AKAP19: variants seen among roughly 807,000 people sequenced by gnomAD.
AKAP19 encodes the protein small A-kinase anchoring protein.
At chr2:189,946,422 C>A in the AKAP19 span, among the ~76,000 whole-genome samples, 1 of 152,104 alleles carries the variant, frequency 6.6e-6, no homozygotes, top group Non-Finnish European at 1.5e-5. Context: ...TGAGCCTGAG[C>A]AACATAGGCC....
At chr2:189,995,047 T>G in the AKAP19 span, among the ~76,000 whole-genome samples, 1 of 152,264 alleles carries the variant, frequency 6.6e-6, no homozygotes, top group Admixed American at 6.5e-5. Context: ...GCCTATCATA[T>G]GGTCTGTCTT....
chr2:190,173,615 A>T, the AKAP19 span, among the ~76,000 whole-genome samples: 1 of 152,232 alleles, frequency 6.6e-6, no homozygotes, highest in Non-Finnish European at 1.5e-5. Context: ...TCCCAGATAG[A>T]TCATCTGACT....
At chr2:189,933,007 T>C in the AKAP19 span, among the ~76,000 whole-genome samples, 6 of 152,208 alleles carry the variant, frequency 3.9e-5, no homozygotes, top group African/African-American at 1.2e-4. Flanking sequence ...ATCCTATGTC[T>C]CATGCCCATC....
At chr2:189,887,588 A>G in the AKAP19 span, among the ~76,000 whole-genome samples, 1 of 152,232 alleles carries the variant, frequency 6.6e-6, no homozygotes, top group Admixed American at 6.5e-5. Flanking sequence ...TCCTGCCAAC[A>G]GCATAAAAGC....
the AKAP19 span, among the ~76,000 whole-genome samples, chr2:190,004,288 A>C: frequency 6.6e-6 from 1 of 151,626 alleles, no homozygotes; most frequent in Non-Finnish European, 1.5e-5. Flanking sequence ...ATAAAAAAAA[A>C]CATTCTCAGT....
chr2:190,068,991 A>G, the AKAP19 span, among the ~76,000 whole-genome samples: 1 of 152,148 alleles, frequency 6.6e-6, no homozygotes, highest in African/African-American at 2.4e-5. Context: ...GGACCATACT[A>G]GGGAGTTGCC....
At chr2:190,031,136 A>C in the AKAP19 span, among the ~76,000 whole-genome samples, 1 of 152,194 alleles carries the variant, frequency 6.6e-6, no homozygotes, top group Non-Finnish European at 1.5e-5. Context: ...GAGGATGGGT[A>C]CTTTAGGCAG....
chr2:189,946,169 C>T, the AKAP19 span, among the ~76,000 whole-genome samples: 1 of 152,168 alleles, frequency 6.6e-6, no homozygotes, highest in Non-Finnish European at 1.5e-5. Flanking sequence ...GTGGTCTTAA[C>T]TTCAGAATCC....
the AKAP19 span, among the ~76,000 whole-genome samples, chr2:190,153,108 G>T: frequency 6.6e-6 from 1 of 152,094 alleles, no homozygotes; most frequent in African/African-American, 2.4e-5. Context: ...TGTTAGCTAG[G>T]ATGGTCTCGA....
chr2:190,018,718 G>A, the AKAP19 span, among the ~76,000 whole-genome samples: 4 of 152,020 alleles, frequency 2.6e-5, no homozygotes, highest in African/African-American at 4.8e-5. Flanking sequence ...TGATCTTTGT[G>A]TCATTGTGTT....
At chr2:190,062,279 C>G in the AKAP19 span, 39 of 1,613,058 alleles carry the variant, frequency 2.4e-5, 1 homozygote, top group South Asian at 4.3e-4. Context: ...CGTCATCTTC[C>G]AAAGAGCCAT....
At chr2:189,931,982 CT>C in the AKAP19 span, among the ~76,000 whole-genome samples, 1 of 152,138 alleles carries the variant, frequency 6.6e-6, no homozygotes, top group African/African-American at 2.4e-5. Flanking sequence ...AACTAATGTC[CT>C]TCAAAGCAAA....
the AKAP19 span, among the ~76,000 whole-genome samples, chr2:190,023,203 ATG>A: frequency 6.6e-6 from 1 of 152,286 alleles, no homozygotes; most frequent in East Asian, 1.9e-4. Flanking sequence ...CTGCAAAATT[ATG>A]TGTTTTTATA....
the AKAP19 span, among the ~76,000 whole-genome samples, chr2:190,162,104 C>T: frequency 6.6e-6 from 1 of 152,096 alleles, no homozygotes; most frequent in Non-Finnish European, 1.5e-5. Context: ...ATTATGTGAG[C>T]AAACGTGTTT....
chr2:189,998,497 A>G, the AKAP19 span, among the ~76,000 whole-genome samples: 1 of 152,176 alleles, frequency 6.6e-6, no homozygotes, highest in Admixed American at 6.5e-5. Flanking sequence ...GGTAATTTGT[A>G]TGTGTGCAGG....
At chr2:189,924,485 T>C in the AKAP19 span, among the ~76,000 whole-genome samples, 1 of 152,240 alleles carries the variant, frequency 6.6e-6, no homozygotes, top group South Asian at 2.1e-4. Context: ...GACTTAACAA[T>C]AAAAATGATG....
the AKAP19 span, among the ~76,000 whole-genome samples, chr2:190,038,270 C>A: frequency 5.9e-5 from 9 of 152,130 alleles, no homozygotes; most frequent in Non-Finnish European, 7.4e-5. Context: ...ACCTTGTCAT[C>A]CACATCTAAA....
At chr2:190,199,887 T>G in the AKAP19 span, 9 of 1,613,830 alleles carry the variant, frequency 5.6e-6, no homozygotes, top group South Asian at 1.1e-5. Context: ...CAAAGCAAAC[T>G]TTCCCATTTC....
chr2:190,163,458 A>C, the AKAP19 span, among the ~76,000 whole-genome samples: 29 of 150,360 alleles, frequency 1.9e-4, no homozygotes, highest in East Asian at 5.8e-4. Context: ...CAAAAAACAA[A>C]AAAAAAAAAA....
Sources: gnomAD v4.1 joint callset for allele counts (sites outside exome capture counted in the v4.1 genomes callset) on GRCh38, gnomAD v4.1.1 for gene constraint, MANE v1.5 for transcripts, NCBI Gene and HGNC (gene_info 2026-07-23, HGNC 2026-07-21) for gene names.